UVRAG: variants seen among roughly 807,000 people sequenced by gnomAD.
UVRAG encodes UV radiation resistance-associated gene protein.
A neutral mutation model predicts 78.0 loss-of-function variants in UVRAG; 19 were observed. That is an observed-to-expected ratio of 0.24 (90% CI 0.17 to 0.36). The LOEUF is 0.36. Among genes scored for constraint, UVRAG ranks in the 10% least tolerant of loss-of-function variants. The pLI is 1.00. For synonymous variants in UVRAG, 323 were observed against 324.6 expected, an observed-to-expected ratio of 1.00 and a Z score of 0.05; for missense variants, 740 against 853.8, an observed-to-expected ratio of 0.87 and a Z score of 1.66.
At chr11:76,077,919 A>C (rs1196913788) in intron 13 of UVRAG, among the ~76,000 whole-genome samples, 1 of 152,180 alleles carries the variant, frequency 6.6e-6, no homozygotes, top group Admixed American at 6.5e-5. Context: ...TAAAAGATTC[A>C]CTTTAGCCTT....
intron 1 of UVRAG, among the ~76,000 whole-genome samples, chr11:75,839,414 C>G (rs1441337659): frequency 2.6e-5 from 4 of 151,894 alleles, no homozygotes; most frequent in African/African-American, 9.7e-5. Context: ...TGGGTACTTT[C>G]TGCTTTATGT....
chr11:75,993,272 A>G lies in UVRAG; in HGVS notation c.826+9759A>G, dbSNP rs74625665. 1.3e-3 allele frequency among the ~76,000 whole-genome samples: 202 copies of G among 152,272 alleles called. 5 individuals carry two copies. In the East Asian group the frequency reaches 0.037, roughly 28 times the overall value. ...AGTGCCAAAAAGACAATTTTTATCC[A>G]CGCTGCTGACTTGCTGAGTGGTCAC... On this transcript the variant is annotated intron_variant, in intron 8 of 14. Coordinates refer to ENST00000356136, the MANE Select transcript of UVRAG (RefSeq NM_003369.4).
intron 14 of UVRAG, among the ~76,000 whole-genome samples, chr11:76,125,066 A>G (rs979250984): frequency 6.6e-6 from 1 of 152,206 alleles, no homozygotes; most frequent in Non-Finnish European, 1.5e-5. Context: ...CATCATCCTT[A>G]TGCTGAATTC....
At chr11:75,901,904 T>G (rs1947510490) in intron 5 of UVRAG, among the ~76,000 whole-genome samples, 1 of 152,196 alleles carries the variant, frequency 6.6e-6, no homozygotes. Context: ...AAGTCCAGTG[T>G]GGATAGATCC....
intron 3 of UVRAG, among the ~76,000 whole-genome samples, chr11:75,876,056 C>G (rs1217739588): frequency 6.6e-6 from 1 of 152,118 alleles, no homozygotes; most frequent in Non-Finnish European, 1.5e-5. Context: ...AAAGCCCCGG[C>G]TTTGTATAGA....
intron 1 of UVRAG, among the ~76,000 whole-genome samples, chr11:75,850,383 C>T (rs1332980239): frequency 6.6e-6 from 1 of 152,116 alleles, no homozygotes; most frequent in Non-Finnish European, 1.5e-5. Flanking sequence ...TGAGGTCTAC[C>T]ATCAGCAAAT....
At chr11:76,077,585 A>G (rs1029770227) in intron 13 of UVRAG, among the ~76,000 whole-genome samples, 2 of 152,222 alleles carry the variant, frequency 1.3e-5, no homozygotes, top group African/African-American at 4.8e-5. Flanking sequence ...TTTCACATAT[A>G]TTATTTCTTT....
intron 6 of UVRAG, among the ~76,000 whole-genome samples, chr11:75,926,360 T>C (rs1948104581): frequency 6.6e-6 from 1 of 152,230 alleles, no homozygotes; most frequent in Non-Finnish European, 1.5e-5. Context: ...ATTCAGACTC[T>C]GCAAGAAGTA....
chr11:75,847,460 G>A (rs1399506056), intron 1 of UVRAG, among the ~76,000 whole-genome samples: 1 of 151,212 alleles, frequency 6.6e-6, no homozygotes, highest in Admixed American at 6.6e-5. Flanking sequence ...CTAGAGATAG[G>A]GTCTCACTAT....
Position 75,978,687 on chromosome 11 carries a change from C to T in UVRAG, c.700-4700C>T, listed in dbSNP as rs565595949. Among the ~76,000 whole-genome samples the T allele has an allele frequency of 7.9e-5, 12 of 152,314 alleles. No individual in the cohort carries two copies. The South Asian group carries it at 2.3e-3, about 29-fold the overall frequency. On this transcript the variant is annotated intron_variant, in intron 7 of 14. Transcript: ENST00000356136. ...GCTACTGAAGCTTGTGCATGCATCA[C>T]ATAGTTCTTATGTCATGGTTTACAG...
At chr11:76,045,159 C>T (rs7115333) in intron 12 of UVRAG, among the ~76,000 whole-genome samples, 16,847 of 152,162 alleles carry the variant, frequency 0.11, 2,226 homozygotes, top group African/African-American at 0.32. Flanking sequence ...TAGACTAATG[C>T]TGGATTCAGA....
At chr11:76,102,076 T>C (rs889850314) in intron 13 of UVRAG, among the ~76,000 whole-genome samples, 7 of 152,308 alleles carry the variant, frequency 4.6e-5, no homozygotes, top group African/African-American at 1.7e-4. Flanking sequence ...CTTTTTTGGT[T>C]CCATATGAAT....
At chr11:76,052,495 G>GCTGAACTCATACCAGTCGGCCTTCATCCC (rs1950889113) in intron 12 of UVRAG, among the ~76,000 whole-genome samples, 1 of 152,136 alleles carries the variant, frequency 6.6e-6, no homozygotes, top group Non-Finnish European at 1.5e-5. Context: ...TCTAGCCACT[G>GCTGAACTCATACCAGTCGGCCTTCATCCC]CTGAACTCAT....
In UVRAG at chr11:76,125,738, A is replaced by G. The variant is rs555783688; in HGVS notation, c.1397+9723A>G. Among the ~76,000 whole-genome samples, 19 of 152,298 alleles carry G rather than the reference A, an allele frequency of 1.2e-4. No homozygotes were observed. In the East Asian group the frequency reaches 3.5e-3, roughly 28 times the overall value. On this transcript the variant is annotated intron_variant, in intron 14 of 14. Transcript: ENST00000356136. Reference sequence around the variant, plus strand: ...TCTATTTACTCCTTTTGATTATAAAATAGTATGGGCTCAATGAATAAAATT... The same window carrying G: ...TCTATTTACTCCTTTTGATTATAAAGTAGTATGGGCTCAATGAATAAAATT...
chr11:76,018,780 C>T (rs976806450), intron 12 of UVRAG, among the ~76,000 whole-genome samples: 1 of 152,140 alleles, frequency 6.6e-6, no homozygotes, highest in African/African-American at 2.4e-5. Flanking sequence ...TCTCTTTATA[C>T]TTGACCTTTG....
chr11:76,050,673 G>A (rs1341452087), intron 12 of UVRAG, among the ~76,000 whole-genome samples: 1 of 152,112 alleles, frequency 6.6e-6, no homozygotes, highest in Non-Finnish European at 1.5e-5. Context: ...ATACCGTTAA[G>A]AAAGGTAATA....
At chr11:75,885,465 C>CAG (rs990524908) in intron 4 of UVRAG, among the ~76,000 whole-genome samples, 14 of 152,200 alleles carry the variant, frequency 9.2e-5, no homozygotes, top group African/African-American at 2.6e-4. Context: ...TTTAAGAAAA[C>CAG]AGAAGCTCAG....
intron 6 of UVRAG, among the ~76,000 whole-genome samples, chr11:75,951,580 C>T (rs1164546578): frequency 1.3e-5 from 2 of 152,096 alleles, no homozygotes; most frequent in East Asian, 1.9e-4. Context: ...CAGTGTTTCT[C>T]AATGTTAGTC....
intron 7 of UVRAG, among the ~76,000 whole-genome samples, chr11:75,974,109 A>G (rs1168692913): frequency 2.0e-5 from 3 of 152,326 alleles, no homozygotes; most frequent in African/African-American, 7.2e-5. Context: ...TTCTAGTTCT[A>G]GATCCTTGAG....
Sources: allele counts gnomAD v4.1 joint callset (sites outside exome capture counted in the v4.1 genomes callset), GRCh38; gene constraint gnomAD v4.1.1; transcripts MANE v1.5; gene names NCBI Gene and HGNC (gene_info 2026-07-23, HGNC 2026-07-21).